Variants in ARHGAP28 observed in about 807,000 individuals in gnomAD.
ARHGAP28 encodes the protein rho GTPase-activating protein 28.
A neutral mutation model predicts 90.7 loss-of-function variants in ARHGAP28; 56 were observed. The ratio of observed to expected loss-of-function variants is 0.62; its 90% CI spans 0.50 to 0.77. The LOEUF (loss-of-function observed/expected upper bound fraction) is 0.77, where lower values mean the gene tolerates loss of function less well. Ranked by LOEUF, ARHGAP28 falls within the 30% of genes least tolerant of loss-of-function variation. The pLI is 0.00. For synonymous variants in ARHGAP28, 308 were observed against 323.3 expected, an observed-to-expected ratio of 0.95 and a Z score of 0.51; for missense variants, 869 against 900.9, an observed-to-expected ratio of 0.96 and a Z score of 0.45.
chr18:6,839,383 T>C (rs904324834), intron 3 of ARHGAP28, among the ~76,000 whole-genome samples: 4 of 148,804 alleles, frequency 2.7e-5, no homozygotes, highest in African/African-American at 9.9e-5. Flanking sequence ...AAGCTCCGCC[T>C]CCCGGGTTCA....
intron 1 of ARHGAP28, among the ~76,000 whole-genome samples, chr18:6,810,567 C>T (rs2056549247): frequency 1.3e-5 from 2 of 152,018 alleles, no homozygotes; most frequent in South Asian, 4.1e-4. Flanking sequence ...TAATCCCAAT[C>T]CCTGTATTGG....
intron 5 of ARHGAP28, among the ~76,000 whole-genome samples, chr18:6,867,501 G>A (rs534277322): frequency 6.6e-6 from 1 of 152,230 alleles, no homozygotes; most frequent in South Asian, 2.1e-4. Context: ...CCAGACCTAG[G>A]CAGGAGTTTG....
At chr18:6,839,391 T>C (rs1337465710) in intron 3 of ARHGAP28, among the ~76,000 whole-genome samples, 1 of 151,240 alleles carries the variant, frequency 6.6e-6, no homozygotes, top group Non-Finnish European at 1.5e-5. Context: ...CCTCCCGGGT[T>C]CACGCCATTC....
intron 5 of ARHGAP28, among the ~76,000 whole-genome samples, chr18:6,864,852 A>AT (rs201032412): frequency 0.25 from 38,022 of 149,460 alleles, 4,955 homozygotes; most frequent in Middle Eastern, 0.38. Flanking sequence ...GCCCAGCTAA[A>AT]TTTTTTTTTT....
intron 16 of ARHGAP28, among the ~76,000 whole-genome samples, chr18:6,901,015 T>A (rs2057335563): frequency 6.6e-6 from 1 of 152,284 alleles, no homozygotes; most frequent in South Asian, 2.1e-4. Context: ...AGGAAAGAAC[T>A]GTCAACTGTG....
intron 1 of ARHGAP28, among the ~76,000 whole-genome samples, chr18:6,782,592 ATTTTTTTTTTTTTTTTTT>A (rs10602816): frequency 2.6e-3 from 70 of 26,692 alleles, no homozygotes; most frequent in African/African-American, 5.3e-3. Context: ...TAATTTTTGT[ATTTTTTTTTTTTTTTTTT>A]TTTTTTTTTT....
At chr18:6,815,402 C>T (rs1401960883) in intron 1 of ARHGAP28, among the ~76,000 whole-genome samples, 1 of 152,082 alleles carries the variant, frequency 6.6e-6, no homozygotes, top group Non-Finnish European at 1.5e-5. Flanking sequence ...AATCTCAAAG[C>T]ACTTTTAATT....
chr18:6,855,733 C>G (rs2056947654), intron 4 of ARHGAP28, among the ~76,000 whole-genome samples: 1 of 152,234 alleles, frequency 6.6e-6, no homozygotes, highest in African/African-American at 2.4e-5. Flanking sequence ...GGCTGTGACA[C>G]CCTCTTTGGA....
At chr18:6,866,395 G>T (rs1428127239) in intron 5 of ARHGAP28, among the ~76,000 whole-genome samples, 2 of 152,118 alleles carry the variant, frequency 1.3e-5, no homozygotes, top group Non-Finnish European at 2.9e-5. Flanking sequence ...ATATTTCCAT[G>T]CCTGAAATTT....
rs140811401 is a variant in ARHGAP28 at position 6,886,233 on chromosome 18, C to T, written c.1454-924C>T. ...TGAATAGAAATAGATTTTCCTTCAA[C>T]TTGAGAACTCCCCAGAGATTCCAGA... is the stretch of plus-strand genomic sequence containing the variant. On this transcript the variant is annotated intron_variant, in intron 11 of 17. Transcript: ENST00000383472. 9.8e-5 allele frequency among the ~76,000 whole-genome samples: 15 copies of T among 152,290 alleles called. No individual in the cohort carries two copies. The East Asian group carries it at 2.9e-3, about 29-fold the overall frequency.
intron 7 of ARHGAP28, among the ~76,000 whole-genome samples, chr18:6,871,326 C>G (rs1271090961): frequency 1.3e-5 from 2 of 152,176 alleles, no homozygotes; most frequent in African/African-American, 4.8e-5. Context: ...CTTTCTTGCA[C>G]TTTATATTCT....
intron 16 of ARHGAP28, among the ~76,000 whole-genome samples, chr18:6,899,178 C>T (rs2057325236): frequency 6.6e-6 from 1 of 152,126 alleles, no homozygotes; most frequent in Non-Finnish European, 1.5e-5. Context: ...TTTCTGACTG[C>T]CTACTCAGAC....
intron 3 of ARHGAP28, among the ~76,000 whole-genome samples, chr18:6,840,597 G>A (rs541196568): frequency 7.9e-5 from 12 of 152,258 alleles, no homozygotes; most frequent in African/African-American, 2.6e-4. Flanking sequence ...GACCAAAAGA[G>A]GGCCTAACAG....
At chr18:6,871,956 C>T (rs1027233587) in intron 7 of ARHGAP28, among the ~76,000 whole-genome samples, 3 of 152,102 alleles carry the variant, frequency 2.0e-5, no homozygotes, top group Non-Finnish European at 4.4e-5. Context: ...GGCTAAGTAA[C>T]ATGTCCAAAG....
chr18:6,859,929 C>T (rs954449603), intron 5 of ARHGAP28, 32 bp downstream of exon 5: 17 of 1,587,146 alleles, frequency 1.1e-5, no homozygotes, highest in Non-Finnish European at 1.5e-5. Context: ...AGTTACATGT[C>T]AAGGTACAGT....
intron 1 of ARHGAP28, among the ~76,000 whole-genome samples, chr18:6,756,548 G>A (rs2056111497): frequency 6.6e-6 from 1 of 152,134 alleles, no homozygotes; most frequent in Non-Finnish European, 1.5e-5. Flanking sequence ...TTGAAAAAAT[G>A]TTTGTTATTT....
chr18:6,745,176 C>T (rs912425155), intron 1 of ARHGAP28, among the ~76,000 whole-genome samples: 1 of 152,108 alleles, frequency 6.6e-6, no homozygotes, highest in Admixed American at 6.5e-5. Context: ...ATCTATTTCA[C>T]TTTTTTTCCT....
intron 1 of ARHGAP28, among the ~76,000 whole-genome samples, chr18:6,753,900 G>A (rs1265289964): frequency 6.6e-6 from 1 of 152,198 alleles, no homozygotes; most frequent in Non-Finnish European, 1.5e-5. Context: ...GACACACAGA[G>A]CCATGCTAAC....
intron 11 of ARHGAP28, among the ~76,000 whole-genome samples, chr18:6,883,478 A>G (rs1289611971): frequency 1.3e-5 from 2 of 151,828 alleles, no homozygotes; most frequent in Non-Finnish European, 2.9e-5. Context: ...GCCTCAAGTG[A>G]TCTCCCTGCC....
Sources: gnomAD v4.1 joint callset for allele counts (sites outside exome capture counted in the v4.1 genomes callset) on GRCh38, gnomAD v4.1.1 for gene constraint, MANE v1.5 for transcripts, NCBI Gene and HGNC (gene_info 2026-07-23, HGNC 2026-07-21) for gene names.